The following ACTR3B variants were observed in gnomAD, a reference collection of about 807,000 sequenced individuals.
The protein encoded by ACTR3B is actin related protein 3B.
Under a neutral mutation model 59.0 loss-of-function variants are expected in ACTR3B, and 8 were observed. The ratio of observed to expected loss-of-function variants is 0.14; its 90% CI spans 0.08 to 0.24. ACTR3B has a LOEUF of 0.24. ACTR3B is among the 10% of genes least tolerant of loss of function. The pLI is 1.00. For missense variants in ACTR3B, 245 were observed against 552.3 expected (o/e 0.44, Z 5.58); for synonymous variants, 148 against 197.9 (o/e 0.75, Z 2.12).
At chr7:152,835,056 T>G (rs1396480635) in intron 9 of ACTR3B, among the ~76,000 whole-genome samples, 5 of 131,392 alleles carry the variant, frequency 3.8e-5, no homozygotes, top group Non-Finnish European at 6.6e-5. Flanking sequence ...GAATTAAGTG[T>G]TTTTTTTTTT....
chr7:152,821,567 A>G lies in ACTR3B; in HGVS notation c.684+1125A>G, dbSNP rs542143427. On this transcript the variant is annotated intron_variant, in intron 7 of 11. Coordinates refer to ENST00000256001, the MANE Select transcript of ACTR3B (RefSeq NM_020445.6). Reference sequence around the variant, plus strand: ...CCTATTTCCGCCAGGATTGCTGAGCAACACTGCCACGGAGGGGCTTTCCTG... The same window carrying G: ...CCTATTTCCGCCAGGATTGCTGAGCGACACTGCCACGGAGGGGCTTTCCTG... 6.6e-5 allele frequency among the ~76,000 whole-genome samples: 10 copies of G among 152,122 alleles called. No individual in the cohort carries two copies. In the East Asian group the frequency reaches 1.9e-3, roughly 29 times the overall value.
chr7:152,796,974 A>T (rs2098219576), intron 2 of ACTR3B, among the ~76,000 whole-genome samples: 1 of 137,552 alleles, frequency 7.3e-6, no homozygotes, highest in South Asian at 2.3e-4. Context: ...TGTCTCGACC[A>T]CCCAAAGTGC....
At chr7:152,785,124 C>T (rs1038073776) in intron 2 of ACTR3B, among the ~76,000 whole-genome samples, 2 of 151,726 alleles carry the variant, frequency 1.3e-5, no homozygotes, top group African/African-American at 4.8e-5. Flanking sequence ...TGACCTTGCA[C>T]CTTTTGCTTT....
At chr7:152,833,848 G>A (rs1480279780) in intron 9 of ACTR3B, among the ~76,000 whole-genome samples, 1 of 151,944 alleles carries the variant, frequency 6.6e-6, no homozygotes, top group Non-Finnish European at 1.5e-5. Context: ...ATTTTTATTT[G>A]GCATCATAAA....
At chr7:152,807,488 A>C (rs905795709) in intron 4 of ACTR3B, among the ~76,000 whole-genome samples, 1 of 151,930 alleles carries the variant, frequency 6.6e-6, no homozygotes, top group Non-Finnish European at 1.5e-5. Flanking sequence ...ATCTTTGTGC[A>C]TACAGTTTTT....
At chr7:152,813,391 T>C (rs1795426835) in intron 4 of ACTR3B, 1 of 152,132 alleles carries the variant, frequency 6.6e-6, no homozygotes. Flanking sequence ...GTTTATTTAT[T>C]CTTTTTCTGT....
chr7:152,806,392 T>A (rs1243878840), intron 4 of ACTR3B, among the ~76,000 whole-genome samples: 1 of 152,222 alleles, frequency 6.6e-6, no homozygotes, highest in Non-Finnish European at 1.5e-5. Context: ...ATACATAGAT[T>A]TTAATTCTTC....
intron 9 of ACTR3B, among the ~76,000 whole-genome samples, chr7:152,851,379 G>A (rs1377518669): frequency 1.3e-5 from 2 of 152,186 alleles, no homozygotes; most frequent in African/African-American, 4.8e-5. Context: ...GGCCACTGTG[G>A]CCTCTGACAT....
intron 6 of ACTR3B, among the ~76,000 whole-genome samples, chr7:152,817,616 TC>T (rs1795808037): frequency 6.6e-6 from 1 of 152,086 alleles, no homozygotes; most frequent in South Asian, 2.1e-4. Flanking sequence ...GTCATACTCA[TC>T]CTGGTCTTTC....
In ACTR3B at chr7:152,854,674, C is replaced by T. The variant is rs1799118937; in HGVS notation, c.*121C>T. Reference sequence around the variant, plus strand: ...GTGTTGCTGCCCAGCAGCGTGCTTGCATTGCCGGTGCATGAGGCGCGGCGC... The same window carrying T: ...GTGTTGCTGCCCAGCAGCGTGCTTGTATTGCCGGTGCATGAGGCGCGGCGC... On this transcript the variant is annotated 3_prime_UTR_variant, in exon 12 of 12. Coordinates refer to ENST00000256001, the MANE Select transcript of ACTR3B (RefSeq NM_020445.6). This position sits in a 1 kb window ranked among gnomAD's most constrained non-coding sequence, Gnocchi z 4.9. The T allele has an allele frequency of 1.9e-6, 2 of 1,051,134 alleles. No individual in the cohort carries two copies. Among genetic ancestry groups the T allele is most frequent in the East Asian group, 2.5e-5 (1 of 39,380 alleles). 65.1% of individuals were successfully genotyped at this position (1,051,134 alleles called of 1,614,324 possible).
Position 152,816,596 on chromosome 7 carries a change from G to C in ACTR3B, c.540+8G>C. 2 of 1,554,702 alleles carry C rather than the reference G, an allele frequency of 1.3e-6. No individual in the cohort carries two copies. The highest frequency in any genetic ancestry group is 1.7e-6 in the Non-Finnish European group (2 of 1,149,006). ...ACCCATGTTATCCCAGTGGTAAGCAGAATAGTTAATATATAAGTCTCTGTA... is the reference window on the plus strand; with the variant it reads ...ACCCATGTTATCCCAGTGGTAAGCACAATAGTTAATATATAAGTCTCTGTA... On this transcript the variant is annotated splice_region_variant and intron_variant, in intron 6 of 11. Transcript: ENST00000256001.
At chr7:152,847,530 C>T (rs917738211) in intron 9 of ACTR3B, among the ~76,000 whole-genome samples, 6 of 152,224 alleles carry the variant, frequency 3.9e-5, no homozygotes, top group African/African-American at 1.4e-4. Flanking sequence ...CACACCCCTG[C>T]CCCCTCCTGC....
intron 7 of ACTR3B, among the ~76,000 whole-genome samples, chr7:152,821,730 C>A (rs1590366386): frequency 1.3e-5 from 2 of 152,336 alleles, no homozygotes; most frequent in African/African-American, 4.8e-5. Context: ...CTGTTCATAG[C>A]CTCCGAGTCA....
chr7:152,821,674 A>C (rs1334971594), intron 7 of ACTR3B, among the ~76,000 whole-genome samples: 1 of 152,130 alleles, frequency 6.6e-6, no homozygotes, highest in Admixed American at 6.5e-5. Flanking sequence ...GATGTGCTCG[A>C]TGTGACTGTG....
At chr7:152,827,400 C>T (rs1471664607) in intron 9 of ACTR3B, among the ~76,000 whole-genome samples, 2 of 151,984 alleles carry the variant, frequency 1.3e-5, no homozygotes, top group Non-Finnish European at 2.9e-5. Context: ...CATGCTTTCT[C>T]GTTTGTCACA....
At chr7:152,840,488 C>T (rs554707160) in intron 9 of ACTR3B, among the ~76,000 whole-genome samples, 1 of 152,248 alleles carries the variant, frequency 6.6e-6, no homozygotes, top group East Asian at 1.9e-4. Context: ...TTCTTTCAGG[C>T]CCCAGCACCA....
chr7:152,773,196 A>G (rs2098128361), intron 1 of ACTR3B, among the ~76,000 whole-genome samples: 1 of 148,810 alleles, frequency 6.7e-6, no homozygotes, highest in Non-Finnish European at 1.5e-5. Context: ...CCTGGCATGG[A>G]CTCAACTAAA....
intron 9 of ACTR3B, among the ~76,000 whole-genome samples, chr7:152,837,301 A>G (rs1797542480): frequency 6.6e-6 from 1 of 152,394 alleles, no homozygotes; most frequent in African/African-American, 2.4e-5. Context: ...TGGAAAGAAT[A>G]CATTTATTGG....
intron 1 of ACTR3B, among the ~76,000 whole-genome samples, chr7:152,774,690 A>C (rs2098132369): frequency 1.3e-5 from 2 of 152,188 alleles, no homozygotes; most frequent in South Asian, 4.1e-4. Flanking sequence ...ACTCAGAAGG[A>C]GAAATAGAAA....
Sources: allele counts gnomAD v4.1 joint callset (sites outside exome capture counted in the v4.1 genomes callset), GRCh38; gene constraint gnomAD v4.1.1; non-coding constraint Gnocchi (gnomAD v3.1); transcripts MANE v1.5; gene names NCBI Gene and HGNC (gene_info 2026-07-23, HGNC 2026-07-21).